DNAH11: variants seen among roughly 807,000 people sequenced by gnomAD.
The protein encoded by DNAH11 is axonemal beta dynein heavy chain 11.
In DNAH11, 442 loss-of-function variants were observed where a neutral mutation model predicts 526.0. That is an observed-to-expected ratio of 0.84 (90% confidence interval 0.78 to 0.91). The LOEUF (loss-of-function observed/expected upper bound fraction) is 0.91. Among genes scored for constraint, DNAH11 ranks in the 40% least tolerant of loss-of-function variants. The probability of loss-of-function intolerance (pLI) is 0.00; values close to 1 mark genes in which losing one functional copy is unlikely to be tolerated. For synonymous variants in DNAH11, 2,461 were observed against 1,935.9 expected (o/e 1.27, Z -7.12); for missense variants, 6,989 against 5,448.7 (o/e 1.28, Z -8.90).
chr7:21,611,105 C>T (rs1000097709), intron 20 of DNAH11, among the ~76,000 whole-genome samples: 6 of 152,134 alleles, frequency 3.9e-5, no homozygotes, highest in Non-Finnish European at 8.8e-5. Context: ...GAAGATCCAC[C>T]TGCAGTGCGG....
chr7:21,812,642 A>G (rs1789580016), intron 63 of DNAH11, among the ~76,000 whole-genome samples: 2 of 152,178 alleles, frequency 1.3e-5, no homozygotes, highest in South Asian at 4.1e-4. Context: ...TGACAGAGTG[A>G]GACCTTATTT....
At chr7:21,570,838 C>A (rs992529270) in intron 7 of DNAH11, 2 of 149,922 alleles carry the variant, frequency 1.3e-5, no homozygotes, top group Non-Finnish European at 3.0e-5. Context: ...TAAACACATA[C>A]AACCTACACA....
intron 55 of DNAH11, among the ~76,000 whole-genome samples, chr7:21,768,591 T>G (rs1032069268): frequency 6.6e-6 from 1 of 152,168 alleles, no homozygotes; most frequent in Non-Finnish European, 1.5e-5. Flanking sequence ...GTGGTGCCAC[T>G]TAAAAGTAAT....
chr7:21,748,072 A>T (rs1410604247), intron 51 of DNAH11, among the ~76,000 whole-genome samples: 1 of 152,222 alleles, frequency 6.6e-6, no homozygotes, highest in African/African-American at 2.4e-5. Flanking sequence ...GAGCAGTTCA[A>T]GGGTTAGGGT....
At chr7:21,688,602 T>C (rs1484039320) in intron 34 of DNAH11, among the ~76,000 whole-genome samples, 1 of 152,092 alleles carries the variant, frequency 6.6e-6, no homozygotes, top group Non-Finnish European at 1.5e-5. Context: ...CTACTGGAGG[T>C]CTCCCAGGCT....
chr7:21,706,095 A>G (rs1427329953), intron 39 of DNAH11, among the ~76,000 whole-genome samples: 1 of 152,162 alleles, frequency 6.6e-6, no homozygotes, highest in Non-Finnish European at 1.5e-5. Flanking sequence ...ACAAAACCTA[A>G]AAATAAAAGG....
At chr7:21,559,457 C>T (rs1783357403) in intron 3 of DNAH11, 146 bp from the exon 4 acceptor site, 1 of 681,156 alleles carries the variant, frequency 1.5e-6, no homozygotes, top group Non-Finnish European at 2.4e-6. Flanking sequence ...AACCCCACAA[C>T]TCAAATCAAG....
intron 25 of DNAH11, among the ~76,000 whole-genome samples, chr7:21,624,673 T>C (rs941955225): frequency 1.3e-5 from 2 of 152,190 alleles, no homozygotes; most frequent in African/African-American, 4.8e-5. Flanking sequence ...TTGAGTATAT[T>C]AGCTGTGTGC....
chr7:21,570,549 G>C, intron 7 of DNAH11: 1 of 321,006 alleles, frequency 3.1e-6, no homozygotes, highest in Non-Finnish European at 5.6e-6. Flanking sequence ...ATCTCTTTAT[G>C]TATCAGTGAC....
intron 35 of DNAH11, among the ~76,000 whole-genome samples, chr7:21,695,320 A>G (rs772218630): frequency 5.9e-5 from 9 of 152,232 alleles, no homozygotes; most frequent in Admixed American, 1.3e-4. Flanking sequence ...AGCTGGAGGC[A>G]TCACACTACC....
intron 30 of DNAH11, among the ~76,000 whole-genome samples, chr7:21,659,238 G>C (rs1782148226): frequency 6.7e-6 from 1 of 149,458 alleles, no homozygotes; most frequent in South Asian, 2.2e-4. Context: ...AGTACATCGT[G>C]TCTATTGTCT....
In DNAH11 at chr7:21,728,333, C is replaced by G. The variant is rs148112564; in HGVS notation, c.7440+2349C>G. Among the ~76,000 whole-genome samples the G allele has an allele frequency of 5.0e-3, 721 of 144,716 alleles. 4 individuals carry two copies. The highest frequency in any genetic ancestry group is 0.023 in the Middle Eastern group (6 of 256). 94.9% of individuals were successfully genotyped at this position (144,716 alleles called of 152,430 possible). ...AGTGCAGTGGTGCAATCTTGGCTCA[C>G]TGCAACCTCAGCCTCCCAGCTTCAA... is the stretch of plus-strand genomic sequence containing the variant. On this transcript the variant is annotated intron_variant, in intron 45 of 81. Coordinates refer to ENST00000409508, the MANE Select transcript of DNAH11 (RefSeq NM_001277115.2).
At chr7:21,719,549 T>C (rs1390174315) in intron 43 of DNAH11, among the ~76,000 whole-genome samples, 1 of 152,242 alleles carries the variant, frequency 6.6e-6, no homozygotes, top group East Asian at 1.9e-4. Context: ...ACATGGCTTC[T>C]ACTAAAAAAT....
rs536513593 is a variant in DNAH11 at position 21,690,787 on chromosome 7, A to T, written c.5947A>T (p.Ile1983Phe). 8 of 1,609,832 alleles carry T rather than the reference A, an allele frequency of 5.0e-6. No individual in the cohort carries two copies. The African/African-American group carries it at 9.3e-5, about 19-fold the overall frequency. ...TAGATTTGTATTTCTTGGGGAAGCTATCACACTGAAGCCATCAGTTGGAAT... is the reference window on the plus strand; with the variant it reads ...TAGATTTGTATTTCTTGGGGAAGCTTTCACACTGAAGCCATCAGTTGGAAT... The part of the protein sequence containing the change: ...KKRFVFLGEA[I>F]TLKPSVGIFI... Residue 1983 changes from isoleucine (I) to phenylalanine (F), a missense_variant, in exon 35 of 82, where the codon ATC becomes TTC. Coordinates refer to ENST00000409508, the MANE Select transcript of DNAH11 (RefSeq NM_001277115.2).
At chr7:21,581,334 AC>A (rs1489643548) in intron 8 of DNAH11, among the ~76,000 whole-genome samples, 1 of 152,204 alleles carries the variant, frequency 6.6e-6, no homozygotes, top group Non-Finnish European at 1.5e-5. Context: ...GGGATGCTAA[AC>A]GCACGCTAAT....
chr7:21,550,204 T>C (rs73064469), intron 2 of DNAH11, among the ~76,000 whole-genome samples: 35,540 of 151,992 alleles, frequency 0.23, 5,528 homozygotes, highest in African/African-American at 0.44. Context: ...TTTAGCTGTT[T>C]GCACAGCCAG....
chr7:21,790,733 C>T (rs1223783510), intron 61 of DNAH11, among the ~76,000 whole-genome samples: 2 of 152,088 alleles, frequency 1.3e-5, no homozygotes, highest in African/African-American at 4.8e-5. Flanking sequence ...AGGGAAGGAG[C>T]AGTTGGGACA....
At chr7:21,642,647 T>A (rs1219624822) in intron 28 of DNAH11, among the ~76,000 whole-genome samples, 1 of 152,118 alleles carries the variant, frequency 6.6e-6, no homozygotes, top group Non-Finnish European at 1.5e-5. Flanking sequence ...AAAGGCGCCC[T>A]GTGTGGGTAG....
rs893959771 is a variant in DNAH11, at chr7:21,681,543, T to C, written c.5329-3T>C. ...CTCCTTTTTAAAAAATGATTCCTTC[T>C]AGATTTCTCAGCTGAATACACTGAT... On this transcript the variant is annotated splice_polypyrimidine_tract_variant and splice_region_variant and intron_variant, in intron 30 of 81. Transcript: ENST00000409508. The C allele has an allele frequency of 3.7e-6, 6 of 1,613,344 alleles. No individual in the cohort carries two copies. The highest frequency in any genetic ancestry group is 5.1e-6 in the Non-Finnish European group (6 of 1,179,458).
Sources: gnomAD v4.1 joint callset for allele counts (sites outside exome capture counted in the v4.1 genomes callset) on GRCh38, gnomAD v4.1.1 for gene constraint, MANE v1.5 for transcripts, NCBI Gene and HGNC (gene_info 2026-07-23, HGNC 2026-07-21) for gene names.